Variants in SCAF1 observed in about 807,000 individuals in gnomAD.
The protein encoded by SCAF1 is SR-related CTD associated factor 1, also known as splicing factor, arginine/serine-rich 19.
SCAF1 carries 28 observed loss-of-function variants against 91.2 expected under a neutral mutation model. The ratio of observed to expected loss-of-function variants is 0.31; its 90% CI spans 0.23 to 0.42. SCAF1 has a LOEUF of 0.42. SCAF1 is among the 10% of genes least tolerant of loss of function. The pLI is 1.00. For synonymous variants in SCAF1, 1,036 were observed against 833.7 expected (o/e 1.24, Z -4.18); for missense variants, 1,893 against 1,872.1 (o/e 1.01, Z -0.21).
At chr19:49,649,387 A>T (rs1421162679) in intron 6 of SCAF1, among the ~76,000 whole-genome samples, 2 of 152,082 alleles carry the variant, frequency 1.3e-5, no homozygotes, top group Non-Finnish European at 2.9e-5. Context: ...CTGCGCACTC[A>T]TCTATTCCTC....
chr19:49,648,238 T>C (rs1212446273), intron 6 of SCAF1, among the ~76,000 whole-genome samples: 1 of 151,904 alleles, frequency 6.6e-6, no homozygotes, highest in Admixed American at 6.6e-5. Context: ...GCCTCCTGAG[T>C]AGCAGGGATT....
In SCAF1 at chr19:49,652,652, G is replaced by T; in HGVS notation, c.2263G>T (p.Gly755Trp). 1 of 1,560,826 alleles carries T rather than the reference G, an allele frequency of 6.4e-7. No homozygotes were observed. The highest frequency in any genetic ancestry group is 2.4e-5 in the East Asian group (1 of 41,540). ...CAGCCAGAAGGATCGGCGCCGCTCG[G>T]GGGCCGCCTCCTCCTCCTCCTCTTC... Reference protein sequence around the residue: ...KSSQKDRRRSGAASSSSSSRE... With the variant: ...KSSQKDRRRSWAASSSSSSRE... Residue 755 changes from glycine to tryptophan, a missense_variant, in exon 7 of 11, where the codon GGG becomes TGG. Physicochemically the swap from Gly to Trp is radical, Grantham distance 184 (BLOSUM62 -2). This residue lies in a region of SCAF1 where 1,436 missense variants were observed against 1,306.8 expected (regional missense o/e 1.10). Coordinates refer to ENST00000360565, the MANE Select transcript of SCAF1 (RefSeq NM_021228.3).
At chr19:49,654,162 A>G (rs904420460) in intron 7 of SCAF1, among the ~76,000 whole-genome samples, 187 bp from the exon 8 acceptor site, 3 of 152,166 alleles carry the variant, frequency 2.0e-5, no homozygotes, top group East Asian at 3.9e-4. Flanking sequence ...TGGAGTCCCA[A>G]GAACATTCGT....
rs368181227 is a variant in SCAF1 at position 49,651,494 on chromosome 19, G to A, written c.1105G>A (p.Val369Met). 2.5e-6 allele frequency: 4 copies of A among 1,578,012 alleles called. No individual in the cohort carries two copies. In the Admixed American group the frequency reaches 5.4e-5, roughly 21 times the overall value. The change falls in exon 7 of 11, where the codon GTG becomes ATG. Residue 369 changes from valine to methionine, a missense_variant. Coordinates refer to ENST00000360565, the MANE Select transcript of SCAF1 (RefSeq NM_021228.3). ...GGCTTGTCGGGAAGGCAAGGTCTCG[G>A]TGGAGGTGGTGACCGCTGGTGGAGC... ...AEACREGKVSVEVVTAGGAAL... is the reference protein window; with the variant it reads ...AEACREGKVSMEVVTAGGAAL...
Position 49,653,617 on chromosome 19 carries a change from C to T in SCAF1, c.3228C>T (p.Ser1076=). Residue 1076 remains serine (S), a synonymous_variant, in exon 7 of 11, where the codon TCC becomes TCT. Transcript: ENST00000360565. ...CGGGGGCGGAGGACGGGCCAGCTTC[C>T]CGTGTCTCCCAGCTGCCCACGTTGC... ...GDSGAEDGPA[S]RVSQLPTLPP... 5 of 1,587,070 alleles carry T rather than the reference C, an allele frequency of 3.2e-6. No homozygotes were observed. Among genetic ancestry groups the T allele is most frequent in the African/African-American group, 1.3e-5 (1 of 74,762 alleles).
intron 7 of SCAF1, among the ~76,000 whole-genome samples, chr19:49,654,022 G>A (rs929576836): frequency 3.9e-5 from 6 of 152,158 alleles, no homozygotes; most frequent in Non-Finnish European, 8.8e-5. Flanking sequence ...TACGGATGGC[G>A]GTTGCCTCTA....
Position 49,652,987 on chromosome 19 carries a change from C to G in SCAF1, c.2598C>G (p.Phe866Leu). Residue 866 changes from phenylalanine to leucine, a missense_variant, in exon 7 of 11, where the codon TTC becomes TTG. By Grantham distance (22) the Phe-to-Leu change is conservative (BLOSUM62 0). This residue lies in a region of SCAF1 where 1,436 missense variants were observed against 1,306.8 expected (regional missense o/e 1.10). Coordinates refer to ENST00000360565, the MANE Select transcript of SCAF1 (RefSeq NM_021228.3). ...GCCTGGGCTCCATTGGCGTCAAATTCAGCCGTGACCGCGAGAGTCGCTCCC... is the reference window on the plus strand; with the variant it reads ...GCCTGGGCTCCATTGGCGTCAAATTGAGCCGTGACCGCGAGAGTCGCTCCC... ...SAGLGSIGVK[F>L]SRDRESRSPF... 6.2e-7 allele frequency: 1 copy of G among 1,613,948 alleles called. No individual in the cohort carries two copies. Among genetic ancestry groups the G allele is most frequent in the South Asian group, 1.1e-5 (1 of 91,074 alleles).
At chr19:49,647,955 C>T (rs1200084944) in intron 6 of SCAF1, among the ~76,000 whole-genome samples, 1 of 151,734 alleles carries the variant, frequency 6.6e-6, no homozygotes, top group Admixed American at 6.6e-5. Context: ...TTTTTTGAGA[C>T]AGGGTCTCAC....
In SCAF1 at chr19:49,654,759, C is replaced by T. The variant is rs1371102938; in HGVS notation, c.3507C>T (p.Ser1169=). 3.1e-6 allele frequency: 5 copies of T among 1,613,686 alleles called. No homozygotes were observed. In the African/African-American group the frequency reaches 5.3e-5, roughly 17 times the overall value. The change falls in exon 9 of 11, where the codon AGC becomes AGT. Residue 1169 remains serine, a synonymous_variant. Coordinates refer to ENST00000360565, the MANE Select transcript of SCAF1 (RefSeq NM_021228.3). ...CCTCCAGCTACCTGCTTCCTGGCAGCCTCCCTCTGGGGGGCTGCGGTTCGA... is the reference window on the plus strand; with the variant it reads ...CCTCCAGCTACCTGCTTCCTGGCAGTCTCCCTCTGGGGGGCTGCGGTTCGA... ...PGPSSYLLPG[S]LPLGGCGSTP...
In SCAF1 at chr19:49,651,449, G is replaced by T; in HGVS notation, c.1060G>T (p.Val354Leu). Residue 354 changes from valine to leucine, a missense_variant, in exon 7 of 11, where the codon GTG (valine) becomes TTG (leucine). Val to Leu is a conservative substitution (Grantham distance 32, BLOSUM62 1). Coordinates refer to ENST00000360565, the MANE Select transcript of SCAF1 (RefSeq NM_021228.3). ...ADGAMRRRVF[V>L]VGTEAEACRE... ...TGGAGCCATGCGCCGGCGGGTCTTC[G>T]TGGTGGGGACCGAGGCAGAGGCTTG... 2 of 1,593,266 alleles carry T rather than the reference G, an allele frequency of 1.3e-6. No individual in the cohort carries two copies. Among genetic ancestry groups the T allele is most frequent in the Non-Finnish European group, 8.5e-7 (1 of 1,170,430 alleles).
At position 49,645,546 on chromosome 19, in the gene SCAF1, C is replaced by T. The variant is rs535340759; in HGVS notation, c.166+135C>T. ...GCATGGGGAGCCAAAAATGGGCAGACACCCTGTAGCTGCCTTGGAAGGGCC... is the reference window on the plus strand; with the variant it reads ...GCATGGGGAGCCAAAAATGGGCAGATACCCTGTAGCTGCCTTGGAAGGGCC... On this transcript the variant is annotated intron_variant, in intron 3 of 10. Coordinates refer to ENST00000360565, the MANE Select transcript of SCAF1 (RefSeq NM_021228.3). This position sits in a 1 kb window ranked among gnomAD's most constrained non-coding sequence, Gnocchi z 4.6. The T allele has an allele frequency of 3.5e-5, 28 of 809,486 alleles. No individual in the cohort carries two copies. The South Asian group carries it at 4.5e-4, about 13-fold the overall frequency. 50.1% of individuals were successfully genotyped at this position (809,486 alleles called of 1,614,324 possible). A position where few individuals can be genotyped will look rare whatever the true frequency, so the allele number is the denominator to read the frequency against.
At position 49,651,354 on chromosome 19, in the gene SCAF1, C is replaced by G. The variant is rs897692813; in HGVS notation, c.965C>G (p.Pro322Arg). ...QDFPGDESPR[P>R]DAQPTQPTPA... Reference sequence around the variant, plus strand: ...TTCCCAGGTGACGAGAGCCCCCGCCCGGACGCGCAGCCCACACAGCCGACT... The same window carrying G: ...TTCCCAGGTGACGAGAGCCCCCGCCGGGACGCGCAGCCCACACAGCCGACT... Residue 322 changes from proline (P) to arginine (R), a missense_variant, in exon 7 of 11, where the codon CCG (proline) becomes CGG (arginine). Coordinates refer to ENST00000360565, the MANE Select transcript of SCAF1 (RefSeq NM_021228.3). The G allele has an allele frequency of 6.2e-7, 1 of 1,608,010 alleles. No individual in the cohort carries two copies. The highest frequency in any genetic ancestry group is 1.3e-5 in the African/African-American group (1 of 74,818).
rs545321330 is a variant in SCAF1, at chr19:49,654,040, G to T, written c.3317-309G>T. 2.3e-4 allele frequency among the ~76,000 whole-genome samples: 35 copies of T among 152,302 alleles called. 1 individual carries two copies. The highest frequency in any genetic ancestry group is 8.2e-4 in the African/African-American group (34 of 41,542). On this transcript the variant is annotated intron_variant, in intron 7 of 10. Coordinates refer to ENST00000360565, the MANE Select transcript of SCAF1 (RefSeq NM_021228.3). ...GGATGGCGGTTGCCTCTACCAGACT[G>T]CAGAGGTGGGGAGAGAGGTTGGGAC...
Position 49,653,020 on chromosome 19 carries a change from C to G in SCAF1, c.2631C>G (p.Leu877=). 6.2e-7 allele frequency: 1 copy of G among 1,614,014 alleles called. No homozygotes were observed. Among genetic ancestry groups the G allele is most frequent in the South Asian group, 1.1e-5 (1 of 91,074 alleles). The change falls in exon 7 of 11, where the codon CTC becomes CTG. Residue 877 remains leucine (L), a synonymous_variant. Transcript: ENST00000360565. ...ACCGCGAGAGTCGCTCCCCCTTCCT[C>G]AAACCTGACGAGCGGGCCCCCACTG... ...SRDRESRSPF[L]KPDERAPTEM...
intron 1 of SCAF1, among the ~76,000 whole-genome samples, chr19:49,643,221 T>G (rs1312143355): frequency 1.3e-5 from 2 of 151,518 alleles, no homozygotes; most frequent in Non-Finnish European, 2.9e-5. Flanking sequence ...GTCTGGAGGG[T>G]CATCTAGACC....
Position 49,651,347 on chromosome 19 carries a change from C to T in SCAF1, c.958C>T (p.Pro320Ser). ...LSQDFPGDES[P>S]RPDAQPTQPT... The stretch of plus-strand genomic sequence containing the variant: ...CCAGGACTTCCCAGGTGACGAGAGC[C>T]CCCGCCCGGACGCGCAGCCCACACA... Residue 320 changes from proline (P) to serine (S), a missense_variant, in exon 7 of 11, where the codon CCC becomes TCC. Pro to Ser is a moderately conservative substitution (Grantham distance 74). This residue lies in a region of SCAF1 where 1,436 missense variants were observed against 1,306.8 expected (regional missense o/e 1.10). Coordinates refer to ENST00000360565, the MANE Select transcript of SCAF1 (RefSeq NM_021228.3). The T allele has an allele frequency of 6.2e-7, 1 of 1,608,706 alleles. No individual in the cohort carries two copies. Among genetic ancestry groups the T allele is most frequent in the African/African-American group, 1.3e-5 (1 of 74,946 alleles).
At position 49,646,803 on chromosome 19, in the gene SCAF1, C is replaced by G; in HGVS notation, c.451C>G (p.Leu151Val). 6.2e-7 allele frequency: 1 copy of G among 1,613,240 alleles called. No homozygotes were observed. Among genetic ancestry groups the G allele is most frequent in the Non-Finnish European group, 8.5e-7 (1 of 1,179,914 alleles). Residue 151 changes from leucine (L) to valine (V), a missense_variant, in exon 6 of 11, where the codon CTC becomes GTC. This residue lies in a region of SCAF1 where 270 missense variants were observed against 292.5 expected (regional missense o/e 0.92). Coordinates refer to ENST00000360565, the MANE Select transcript of SCAF1 (RefSeq NM_021228.3). This position sits in a 1 kb window ranked among gnomAD's most constrained non-coding sequence, Gnocchi z 5.6. ...GCCTGTGCCCAGCCTGCTGCCCCGT[C>G]TCAGGGCCTGGAGGACGGGCAAAAC... ...PLPVPSLLPR[L>V]RAWRTGKTVS...
chr19:49,646,535 A>T lies in SCAF1; in HGVS notation c.271A>T (p.Met91Leu), dbSNP rs914487678. ...GGTDTATVLD[M>L]ATDSFLAGLV... Reference sequence around the variant, plus strand: ...CTCTGGCCTCTTCCAGGTGTTGGACATGGCCACGGACAGCTTCCTCGCAGG... The same window carrying T: ...CTCTGGCCTCTTCCAGGTGTTGGACTTGGCCACGGACAGCTTCCTCGCAGG... Residue 91 changes from methionine (M) to leucine (L), a missense_variant, in exon 5 of 11, where the codon ATG (methionine) becomes TTG (leucine). Met to Leu is a conservative substitution (Grantham distance 15). This residue lies in a region of SCAF1 where 270 missense variants were observed against 292.5 expected (regional missense o/e 0.92). Transcript: ENST00000360565. The surrounding 1 kb of genome is among the most constrained non-coding windows in gnomAD (Gnocchi z 5.6). 1 of 1,613,854 alleles carries T rather than the reference A, an allele frequency of 6.2e-7. No homozygotes were observed. The highest frequency in any genetic ancestry group is 8.5e-7 in the Non-Finnish European group (1 of 1,179,922).
At position 49,654,719 on chromosome 19, in the gene SCAF1, G is replaced by T. The variant is rs766767407; in HGVS notation, c.3467G>T (p.Gly1156Val). The change falls in exon 9 of 11, where the codon GGT becomes GTT. Residue 1156 changes from glycine to valine, a missense_variant. By Grantham distance (109) the Gly-to-Val change is moderately radical. Coordinates refer to ENST00000360565, the MANE Select transcript of SCAF1 (RefSeq NM_021228.3). ...MTPAPVPTSL[G>V]LPPGPSSYLL... ...CCAGCTCCTGTGCCCACCTCTTTGG[G>T]TCTGCCCCCTGGCCCCTCCAGCTAC... 2 of 1,614,082 alleles carry T rather than the reference G, an allele frequency of 1.2e-6. No individual in the cohort carries two copies. Among genetic ancestry groups the T allele is most frequent in the South Asian group, 2.2e-5 (2 of 91,084 alleles).
Sources: allele counts gnomAD v4.1 joint callset (sites outside exome capture counted in the v4.1 genomes callset), GRCh38; gene constraint gnomAD v4.1.1; regional missense constraint gnomAD v4.1.1; non-coding constraint Gnocchi (gnomAD v3.1); transcripts MANE v1.5; gene names NCBI Gene and HGNC (gene_info 2026-07-23, HGNC 2026-07-21).